The following BCL2L13 variants were observed in gnomAD, a reference collection of about 807,000 sequenced individuals.
The protein encoded by BCL2L13 is bcl-2-like protein 13.
In BCL2L13, 13 loss-of-function variants were observed where a neutral mutation model predicts 25.8. The ratio of observed to expected loss-of-function variants is 0.50; its 90% CI spans 0.33 to 0.80. BCL2L13 has a LOEUF of 0.80. BCL2L13 is among the 30% of genes least tolerant of loss of function. The probability of loss-of-function intolerance (pLI) is 0.02; values close to 1 mark genes in which losing one functional copy is unlikely to be tolerated. For synonymous variants in BCL2L13, 244 were observed against 230.3 expected (o/e 1.06, Z -0.54); for missense variants, 504 against 574.9 (o/e 0.88, Z 1.26).
At chr22:17,680,840 G>C (rs1405274788) in intron 2 of BCL2L13, among the ~76,000 whole-genome samples, 1 of 152,148 alleles carries the variant, frequency 6.6e-6, no homozygotes, top group East Asian at 1.9e-4. Context: ...GTGAGTGGTA[G>C]AGCTCACTCC....
intron 2 of BCL2L13, among the ~76,000 whole-genome samples, chr22:17,667,131 C>CT (rs1463063779): frequency 1.3e-5 from 2 of 152,066 alleles, no homozygotes; most frequent in Non-Finnish European, 2.9e-5. Context: ...ATACTGATTC[C>CT]TTTTTTTGGG....
chr22:17,638,860 C>T lies in BCL2L13; in HGVS notation c.-77C>T. 1 of 1,232,340 alleles carries T rather than the reference C, an allele frequency of 8.1e-7. No homozygotes were observed. The highest frequency in any genetic ancestry group is 1.0e-6 in the Non-Finnish European group (1 of 988,474). 76.3% of individuals were successfully genotyped at this position (1,232,340 alleles called of 1,614,324 possible). ...CAACTGCCGCCGCCGCCTCTTTCAT[C>T]TCTTCTGGGGCAGGGGCCAGGGCCA... On this transcript the variant is annotated 5_prime_UTR_variant, in exon 1 of 7. Transcript: ENST00000317582.
intron 1 of BCL2L13, among the ~76,000 whole-genome samples, chr22:17,641,873 C>G (rs1258115965): frequency 6.7e-6 from 1 of 149,648 alleles, no homozygotes; most frequent in African/African-American, 2.5e-5. Flanking sequence ...CATCTCGACT[C>G]ACTGCAAGCT....
At chr22:17,705,300 AT>A (rs758981042) in intron 6 of BCL2L13, among the ~76,000 whole-genome samples, 7,454 of 135,606 alleles carry the variant, frequency 0.055, 221 homozygotes, top group African/African-American at 0.091. Flanking sequence ...AAGATACTGC[AT>A]TTTTTTTTTT....
At chr22:17,726,326 G>A (rs2061295715) in intron 6 of BCL2L13, among the ~76,000 whole-genome samples, 1 of 147,580 alleles carries the variant, frequency 6.8e-6, no homozygotes, top group South Asian at 2.2e-4. Flanking sequence ...ACTCTAGCCT[G>A]GGAGACAGAG....
chr22:17,657,613 G>C (rs2058918435), intron 2 of BCL2L13, among the ~76,000 whole-genome samples: 2 of 151,926 alleles, frequency 1.3e-5, no homozygotes, highest in Non-Finnish European at 1.5e-5. Flanking sequence ...CTGGGTTCAA[G>C]CGATTCTTCT....
chr22:17,631,187 C>T (rs2058006706), intron 1 of BCL2L13, among the ~76,000 whole-genome samples: 1 of 151,694 alleles, frequency 6.6e-6, no homozygotes, highest in Non-Finnish European at 1.5e-5. Flanking sequence ...ACCTCCACCT[C>T]CTGGGTTCAA....
At chr22:17,631,254 G>GCC (rs1452787927) in intron 1 of BCL2L13, among the ~76,000 whole-genome samples, 1 of 151,512 alleles carries the variant, frequency 6.6e-6, no homozygotes, top group Non-Finnish European at 1.5e-5. Flanking sequence ...CCGCCACCAC[G>GCC]CCCCGCTAAT....
chr22:17,637,787 G>A (rs893115511), upstream of BCL2L13, among the ~76,000 whole-genome samples: 1 of 152,066 alleles, frequency 6.6e-6, no homozygotes, highest in African/African-American at 2.4e-5. Context: ...GCATCCTGTG[G>A]CACCAGCCCC....
intron 3 of BCL2L13, chr22:17,684,634 G>C: frequency 2.2e-6 from 1 of 453,478 alleles, no homozygotes; most frequent in South Asian, 1.6e-5. Flanking sequence ...CACCATCTCG[G>C]CCCACCACAA....
rs2061338624 is a variant in BCL2L13, at chr22:17,727,893, C to T, written c.*359C>T. The stretch of plus-strand genomic sequence containing the variant: ...ACTAGATGCCAGTGGCACCCCCTCC[C>T]AGAGATGACAAACGAAAATGTCTCT... On this transcript the variant is annotated 3_prime_UTR_variant, in exon 7 of 7. Transcript: ENST00000317582. 1.1e-5 allele frequency: 3 copies of T among 267,632 alleles called. No individual in the cohort carries two copies. The highest frequency in any genetic ancestry group is 1.5e-4 in the South Asian group (2 of 13,574). 16.6% of individuals were successfully genotyped at this position (267,632 alleles called of 1,614,324 possible).
At chr22:17,636,648 TAGCC>T (rs1301780769), upstream of BCL2L13, among the ~76,000 whole-genome samples, 13 of 151,366 alleles carry the variant, frequency 8.6e-5, no homozygotes, top group Admixed American at 6.6e-4. Flanking sequence ...AAAAAAATAT[TAGCC>T]AGGTGTGGTG....
At chr22:17,691,237 A>C (rs2060094487) in intron 4 of BCL2L13, among the ~76,000 whole-genome samples, 1 of 152,216 alleles carries the variant, frequency 6.6e-6, no homozygotes, top group African/African-American at 2.4e-5. Flanking sequence ...TTCTGAGGTT[A>C]CATCTAAGAC....
At chr22:17,671,619 T>C (rs910299656) in intron 2 of BCL2L13, among the ~76,000 whole-genome samples, 7 of 152,086 alleles carry the variant, frequency 4.6e-5, no homozygotes, top group Non-Finnish European at 1.0e-4. Flanking sequence ...TGTAGAGACA[T>C]TTGTTTCGCC....
chr22:17,649,928 A>G (rs865926724), intron 1 of BCL2L13, among the ~76,000 whole-genome samples: 38 of 126,942 alleles, frequency 3.0e-4, no homozygotes, highest in African/African-American at 9.5e-4. Context: ...TTGGAGTGCA[A>G]TGCGTAATCT....
intron 1 of BCL2L13, among the ~76,000 whole-genome samples, chr22:17,643,373 G>A (rs1479892629): frequency 6.6e-6 from 1 of 151,964 alleles, no homozygotes; most frequent in South Asian, 2.1e-4. Context: ...CAAAGTGCTG[G>A]GATTACAGGT....
intron 2 of BCL2L13, among the ~76,000 whole-genome samples, chr22:17,656,332 A>ATTTTTTTTTTTTTTT: frequency 1.4e-5 from 1 of 70,478 alleles, no homozygotes; most frequent in Non-Finnish European, 2.7e-5. Context: ...TTTTCATTTT[A>ATTTTTTTTTTTTTTT]TTCTTTTTTT....
At chr22:17,637,601 C>T (rs1363324310), upstream of BCL2L13, among the ~76,000 whole-genome samples, 2 of 151,988 alleles carry the variant, frequency 1.3e-5, no homozygotes, top group South Asian at 2.1e-4. Flanking sequence ...AGGTCTGAAA[C>T]TCCTGACCTC....
chr22:17,695,350 T>C (rs752312295), intron 4 of BCL2L13, among the ~76,000 whole-genome samples: 1 of 152,146 alleles, frequency 6.6e-6, no homozygotes, highest in Non-Finnish European at 1.5e-5. Context: ...AGCCTTCGTT[T>C]CTTGTAAACT....
Sources: allele counts gnomAD v4.1 joint callset (sites outside exome capture counted in the v4.1 genomes callset), GRCh38; gene constraint gnomAD v4.1.1; transcripts MANE v1.5; gene names NCBI Gene and HGNC (gene_info 2026-07-23, HGNC 2026-07-21).